Variants in TCF3 observed in about 807,000 individuals in gnomAD.
The protein encoded by TCF3 is transcription factor E2-alpha.
Under a neutral mutation model 72.3 loss-of-function variants are expected in TCF3, and 54 were observed. That is an observed-to-expected ratio of 0.75 (90% CI 0.60 to 0.94). TCF3 has a LOEUF of 0.94. TCF3 is among the 40% of genes least tolerant of loss of function. The pLI is 0.00. For synonymous variants in TCF3, 525 were observed against 412.6 expected, an observed-to-expected ratio of 1.27 and a Z score of -3.30; for missense variants, 1,078 against 934.4, an observed-to-expected ratio of 1.15 and a Z score of -2.00.
At chr19:1,627,314 T>C (rs2063007480) in intron 6 of TCF3, 45 bp downstream of exon 6, 1 of 1,533,514 alleles carries the variant, frequency 6.5e-7, no homozygotes, top group Non-Finnish European at 8.9e-7. Context: ...GGTGACAGAT[T>C]TGTTTAAAAT....
intron 6 of TCF3, among the ~76,000 whole-genome samples, chr19:1,627,028 G>A (rs2062969053): frequency 6.6e-6 from 1 of 151,516 alleles, no homozygotes; most frequent in Admixed American, 6.6e-5. Flanking sequence ...CTGCACAGGG[G>A]CCTGTTGTAT....
chr19:1,640,500 C>G (rs560368384), intron 3 of TCF3, among the ~76,000 whole-genome samples: 1 of 152,018 alleles, frequency 6.6e-6, no homozygotes, highest in East Asian at 1.9e-4. Flanking sequence ...GTGAATAAGC[C>G]AAGCTTTGTG....
rs1033987557 is a variant in TCF3, at chr19:1,614,055, G to A, written c.1822+1230C>T. ...ATGGGTGACCTCGCTCTGTTCCCTG[G>A]CTTCCTACTTGGTAGAATGGATGCC... is the stretch of plus-strand genomic sequence containing the variant. On this transcript the variant is annotated intron_variant, in intron 18 of 18. Coordinates refer to ENST00000262965, the MANE Select transcript of TCF3 (RefSeq NM_003200.5). The surrounding 1 kb of genome is among the most constrained non-coding windows in gnomAD (Gnocchi z 5.6). Among the ~76,000 whole-genome samples the A allele has an allele frequency of 6.6e-6, 1 of 152,276 alleles. No homozygotes were observed. Among genetic ancestry groups the A allele is most frequent in the Non-Finnish European group, 1.5e-5 (1 of 68,052 alleles).
chr19:1,648,292 G>A (rs376681840), intron 2 of TCF3, among the ~76,000 whole-genome samples: 4 of 152,232 alleles, frequency 2.6e-5, no homozygotes, highest in African/African-American at 9.6e-5. Flanking sequence ...CAGTCACAGG[G>A]GCTGCCTCTG....
At chr19:1,623,865 A>T in intron 8 of TCF3, 86 bp downstream of exon 8, 1 of 1,406,846 alleles carries the variant, frequency 7.1e-7, no homozygotes, top group South Asian at 1.2e-5. Flanking sequence ...CCACCCCGCC[A>T]TGTGTGTTCC....
intron 3 of TCF3, among the ~76,000 whole-genome samples, chr19:1,638,321 A>G (rs2064747909): frequency 6.6e-6 from 1 of 152,240 alleles, no homozygotes. Context: ...AATGTTTCCT[A>G]GTAAGATGCA....
At chr19:1,641,841 T>C (rs8111031) in intron 3 of TCF3, among the ~76,000 whole-genome samples, 20,327 of 151,898 alleles carry the variant, frequency 0.13, 1,455 homozygotes, top group South Asian at 0.3. Flanking sequence ...AATTCTCCCA[T>C]CTCAACCTCC....
intron 3 of TCF3, among the ~76,000 whole-genome samples, chr19:1,638,683 C>T (rs1055439066): frequency 6.6e-6 from 1 of 152,190 alleles, no homozygotes; most frequent in East Asian, 1.9e-4. Context: ...CGTGTTTAAA[C>T]GTGTTCTTCA....
intron 5 of TCF3, among the ~76,000 whole-genome samples, chr19:1,631,338 G>A (rs548392414): frequency 1.3e-5 from 2 of 151,418 alleles, no homozygotes; most frequent in South Asian, 2.1e-4. Context: ...GCGTGATCTC[G>A]GCTCACTGCA....
intron 16 of TCF3, among the ~76,000 whole-genome samples, chr19:1,616,817 T>C (rs1177910113): frequency 6.6e-6 from 1 of 152,178 alleles, no homozygotes; most frequent in Non-Finnish European, 1.5e-5. Context: ...AGCTGGACTA[T>C]ATCAGAATTG....
At chr19:1,617,595 G>A (rs557849626) in intron 16 of TCF3, among the ~76,000 whole-genome samples, 6 of 152,354 alleles carry the variant, frequency 3.9e-5, no homozygotes, top group East Asian at 1.9e-4. Context: ...CGTACCCTGA[G>A]GGGGAGCCTC....
In TCF3 at chr19:1,632,131, G is replaced by A; in HGVS notation, c.220-15C>T. 1 of 1,611,168 alleles carries A rather than the reference G, an allele frequency of 6.2e-7. No individual in the cohort carries two copies. The highest frequency in any genetic ancestry group is 1.1e-5 in the South Asian group (1 of 90,580). Reference sequence around the variant, plus strand: ...TCGCTGAAGGTCTAGGGGAGATGGGGTGGGGATGAGAGGTGCTGGGGCTTC... The same window carrying A: ...TCGCTGAAGGTCTAGGGGAGATGGGATGGGGATGAGAGGTGCTGGGGCTTC... On this transcript the variant is annotated splice_polypyrimidine_tract_variant and intron_variant, in intron 4 of 18. Transcript: ENST00000262965.
intron 6 of TCF3, among the ~76,000 whole-genome samples, chr19:1,626,235 G>A (rs1245841026): frequency 1.3e-5 from 2 of 152,136 alleles, no homozygotes; most frequent in African/African-American, 4.8e-5. Flanking sequence ...CGGATCACCT[G>A]AGGTCGGGAG....
intron 3 of TCF3, among the ~76,000 whole-genome samples, chr19:1,640,803 CAAA>C (rs1048302834): frequency 5.3e-5 from 5 of 95,132 alleles, no homozygotes; most frequent in Non-Finnish European, 2.2e-5. Flanking sequence ...GACTCCGTCT[CAAA>C]AAAAAAAAAA....
intron 16 of TCF3, among the ~76,000 whole-genome samples, chr19:1,618,752 C>T (rs189783588): frequency 5.9e-5 from 9 of 152,374 alleles, no homozygotes; most frequent in Admixed American, 3.3e-4. Flanking sequence ...GCAGCCACTT[C>T]GTTCCTTCTC....
intron 3 of TCF3, among the ~76,000 whole-genome samples, chr19:1,642,260 ACACACGCACG>A (rs1489826322): frequency 7.2e-5 from 11 of 151,748 alleles, no homozygotes; most frequent in Admixed American, 2.6e-4. Context: ...ACACGTGCGC[ACACACGCACG>A]CACACGCACA....
intron 3 of TCF3, among the ~76,000 whole-genome samples, chr19:1,642,276 G>GCACGCACACA (rs2065431540): frequency 7.8e-6 from 1 of 128,554 alleles, no homozygotes; most frequent in Non-Finnish European, 1.8e-5. Context: ...GCACGCACAC[G>GCACGCACACA]CACAGACGCG....
intron 7 of TCF3, 74 bp from the exon 8 acceptor site, chr19:1,624,074 G>C (rs929901077): frequency 1.4e-6 from 2 of 1,466,220 alleles, no homozygotes; most frequent in East Asian, 2.3e-5. Flanking sequence ...CTGGAGGAGA[G>C]ACCCTCACAA....
intron 3 of TCF3, among the ~76,000 whole-genome samples, chr19:1,632,883 C>T (rs1483509310): frequency 6.6e-6 from 1 of 152,220 alleles, no homozygotes; most frequent in Non-Finnish European, 1.5e-5. Flanking sequence ...GGCCCAGGGT[C>T]TCCCTGTCCC....
Sources: allele counts gnomAD v4.1 joint callset (sites outside exome capture counted in the v4.1 genomes callset), GRCh38; gene constraint gnomAD v4.1.1; non-coding constraint Gnocchi (gnomAD v3.1); transcripts MANE v1.5; gene names NCBI Gene and HGNC (gene_info 2026-07-23, HGNC 2026-07-21).